Variants in TSBP1 observed in about 807,000 individuals in gnomAD.
TSBP1 encodes the protein testis expressed basic protein 1.
TSBP1 carries 56 observed loss-of-function variants against 68.8 expected under a neutral mutation model. The observed-to-expected ratio is 0.81, with a 90% CI of 0.66 to 1.02. TSBP1 has a LOEUF of 1.02. Ranked by LOEUF, TSBP1 falls within the 50% of genes least tolerant of loss-of-function variation. The pLI is 0.00. For synonymous variants in TSBP1, 171 were observed against 208.7 expected, an observed-to-expected ratio of 0.82 and a Z score of 1.56; for missense variants, 502 against 641.2, an observed-to-expected ratio of 0.78 and a Z score of 2.34.
In TSBP1 at chr6:32,302,725, G is replaced by GGTACCATAAAGACTTCTAGC. The variant is rs1351908096; in HGVS notation, c.581-116_581-97dup. On this transcript the variant is annotated intron_variant, in intron 19 of 22. Transcript: ENST00000612031. This position sits in a 1 kb window ranked among gnomAD's most constrained non-coding sequence, Gnocchi z 5.1. ...CCAATTCCCTAGTTGTTTTTTCTAG[G>GGTACCATAAAGACTTCTAGC]GTACCATAAAGACTTCTAGCAGAAT... 1.2e-6 allele frequency: 1 copy of GGTACCATAAAGACTTCTAGC among 809,336 alleles called. No homozygotes were observed. Among genetic ancestry groups the GGTACCATAAAGACTTCTAGC allele is most frequent in the African/African-American group, 1.8e-5 (1 of 55,582 alleles). 50.1% of individuals were successfully genotyped at this position (809,336 alleles called of 1,614,324 possible).
Position 32,306,094 on chromosome 6 carries a change from CTT to C in TSBP1, c.581-3467_581-3466del, listed in dbSNP as rs1324995878. Reference sequence around the variant, plus strand: ...AACAGCAAAATAACTAACATGAACTCTTTTTTTGTTTAAAGGACCTTCACCCA... The same window carrying C: ...AACAGCAAAATAACTAACATGAACTCTTTTTGTTTAAAGGACCTTCACCCA... On this transcript the variant is annotated intron_variant, in intron 19 of 22. Coordinates refer to ENST00000612031, the Ensembl canonical transcript of TSBP1. The surrounding 1 kb of genome is among the most constrained non-coding windows in gnomAD (Gnocchi z 5.1). 2.0e-5 allele frequency among the ~76,000 whole-genome samples: 3 copies of C among 152,070 alleles called. No homozygotes were observed. The East Asian group carries it at 5.8e-4, about 29-fold the overall frequency.
chr6:32,340,496 C>T lies in TSBP1; in HGVS notation c.350-858G>A, dbSNP rs2127612389. Among the ~76,000 whole-genome samples the T allele has an allele frequency of 6.6e-6, 1 of 152,202 alleles. No individual in the cohort carries two copies. Among genetic ancestry groups the T allele is most frequent in the South Asian group, 2.1e-4 (1 of 4,820 alleles). On this transcript the variant is annotated intron_variant, in intron 9 of 22. Transcript: ENST00000612031. The surrounding 1 kb of genome is among the most constrained non-coding windows in gnomAD (Gnocchi z 4.8). ...TGAGAAGGTGAAGCCACTCCTACCA[C>T]CAAATAAAGATAATTTTAAAAGGAC...
chr6:32,362,107 G>A (rs959103411), intron 6 of TSBP1, among the ~76,000 whole-genome samples: 2 of 151,880 alleles, frequency 1.3e-5, no homozygotes, highest in Non-Finnish European at 2.9e-5. Flanking sequence ...TGGCTAACAC[G>A]GTGAAACCCT....
At chr6:32,301,850 C>A (rs1765325906) in intron 20 of TSBP1, among the ~76,000 whole-genome samples, 1 of 151,254 alleles carries the variant, frequency 6.6e-6, no homozygotes, top group African/African-American at 2.4e-5. Flanking sequence ...TGGAATAAAT[C>A]TAGTTTTTCC....
intron 19 of TSBP1, among the ~76,000 whole-genome samples, chr6:32,308,574 T>G (rs9268185): frequency 0.89 from 125,878 of 141,324 alleles, 56,164 homozygotes; most frequent in East Asian, 1. Context: ...CTCCAGCCTG[T>G]GCGACAGAGC....
chr6:32,325,948 A>C lies in TSBP1; in HGVS notation c.515-2334T>G, dbSNP rs1768171427. 2.6e-6 allele frequency: 4 copies of C among 1,563,556 alleles called. No individual in the cohort carries two copies. In the South Asian group the frequency reaches 3.3e-5, roughly 13 times the overall value. Reference sequence around the variant, plus strand: ...ATATGGTGGCAGTGAGGATGGCTATAATGGATTTGGTAATGATGGGAGCAA... The same window carrying C: ...ATATGGTGGCAGTGAGGATGGCTATCATGGATTTGGTAATGATGGGAGCAA... On this transcript the variant is annotated intron_variant, in intron 16 of 22. Coordinates refer to ENST00000612031, the Ensembl canonical transcript of TSBP1. This position sits in a 1 kb window ranked among gnomAD's most constrained non-coding sequence, Gnocchi z 4.4.
intron 19 of TSBP1, among the ~76,000 whole-genome samples, chr6:32,310,781 G>A (rs898662402): frequency 2.1e-5 from 3 of 140,888 alleles, no homozygotes; most frequent in Non-Finnish European, 3.1e-5. Context: ...TTTTTAGAAA[G>A]GATAGTCTTT....
intron 8 of TSBP1, among the ~76,000 whole-genome samples, chr6:32,352,482 A>G (rs1224519374): frequency 6.6e-6 from 1 of 151,978 alleles, no homozygotes; most frequent in African/African-American, 2.4e-5. Flanking sequence ...AGCAGAAGGT[A>G]GAAAAGAAGA....
At position 32,321,454 on chromosome 6, in the gene TSBP1, TCTC is replaced by T. The variant is rs1225846683; in HGVS notation, c.559+1660_559+1662del. On this transcript the variant is annotated intron_variant, in intron 18 of 22. Transcript: ENST00000612031. This position sits in a 1 kb window ranked among gnomAD's most constrained non-coding sequence, Gnocchi z 4.3. ...TCTAGCTGTGAGACCAGTAATCCCT[TCTC>T]CTGACCTCAGGTGGGCATTGGTCCC... 6.6e-6 allele frequency among the ~76,000 whole-genome samples: 1 copy of T among 152,184 alleles called. No individual in the cohort carries two copies. The highest frequency in any genetic ancestry group is 2.4e-5 in the African/African-American group (1 of 41,438).
Position 32,368,773 on chromosome 6 carries a change from A to T in TSBP1, c.133+9T>A. 2 of 1,575,562 alleles carry T rather than the reference A, an allele frequency of 1.3e-6. No individual in the cohort carries two copies. Among genetic ancestry groups the T allele is most frequent in the Non-Finnish European group, 8.7e-7 (1 of 1,153,192 alleles). ...TATATTTATTTTTCTCATGAGTATAAGTACTTACTTTGTTCTGAACTGTAT... is the reference window on the plus strand; with the variant it reads ...TATATTTATTTTTCTCATGAGTATATGTACTTACTTTGTTCTGAACTGTAT... On this transcript the variant is annotated intron_variant, in intron 3 of 22. Transcript: ENST00000612031.
In TSBP1 at chr6:32,316,417, A is replaced by T. The variant is rs1361733718; in HGVS notation, c.560-625T>A. On this transcript the variant is annotated intron_variant, in intron 18 of 22. Coordinates refer to ENST00000612031, the Ensembl canonical transcript of TSBP1. This position sits in a 1 kb window ranked among gnomAD's most constrained non-coding sequence, Gnocchi z 4.5. ...ACTTATAGGTGCTGCCAGCTGACCT[A>T]AAAAAATTAGATATCAGTGAAGATT... The T allele has an allele frequency of 6.4e-7, 1 of 1,552,510 alleles. No individual in the cohort carries two copies. The highest frequency in any genetic ancestry group is 8.7e-7 in the Non-Finnish European group (1 of 1,146,722).
At chr6:32,366,609 C>T (rs1292391986) in intron 4 of TSBP1, among the ~76,000 whole-genome samples, 1 of 149,964 alleles carries the variant, frequency 6.7e-6, no homozygotes, top group African/African-American at 2.4e-5. Flanking sequence ...TAAAAACACA[C>T]AAAAAAATTG....
Position 32,336,631 on chromosome 6 carries a change from T to A in TSBP1, c.414A>T (p.Gln138His), listed in dbSNP as rs761721297. 6.2e-7 allele frequency: 1 copy of A among 1,612,372 alleles called. No individual in the cohort carries two copies. Among genetic ancestry groups the A allele is most frequent in the Non-Finnish European group, 8.5e-7 (1 of 1,179,436 alleles). Residue 138 changes from glutamine (Q) to histidine (H), a missense_variant, in exon 12 of 23, where the codon CAA becomes CAT. Gln to His is a conservative substitution (Grantham distance 24, BLOSUM62 0). Transcript: ENST00000612031. The surrounding 1 kb of genome is among the most constrained non-coding windows in gnomAD (Gnocchi z 5.2). ...GATACTTACGAATAGGGGCTGTGAATTGCACTGAAATACAAAAAGGAGGAA... is the reference window on the plus strand; with the variant it reads ...GATACTTACGAATAGGGGCTGTGAAATGCACTGAAATACAAAAAGGAGGAA...
At chr6:32,362,641 A>C (rs1007024238) in intron 6 of TSBP1, among the ~76,000 whole-genome samples, 1 of 152,190 alleles carries the variant, frequency 6.6e-6, no homozygotes, top group Admixed American at 6.5e-5. Context: ...GTCCAGAAAC[A>C]ATTTTGTTTG....
At chr6:32,313,227 T>A (rs1002349040) in intron 19 of TSBP1, among the ~76,000 whole-genome samples, 1 of 151,862 alleles carries the variant, frequency 6.6e-6, no homozygotes, top group Non-Finnish European at 1.5e-5. Context: ...CTGTTACTCT[T>A]CTTATTTTTC....
chr6:32,349,420 C>A, intron 9 of TSBP1: 1 of 222,730 alleles, frequency 4.5e-6, no homozygotes, highest in Non-Finnish European at 8.7e-6. Flanking sequence ...TATCATTTAT[C>A]CCTCATTCTA....
intron 18 of TSBP1, among the ~76,000 whole-genome samples, chr6:32,318,428 A>G (rs755184222): frequency 7.9e-5 from 12 of 152,214 alleles, no homozygotes; most frequent in Non-Finnish European, 1.5e-4. Context: ...CAAACTGCAC[A>G]TGTATCCCTG....
At chr6:32,310,266 G>A (rs199681209) in intron 19 of TSBP1, among the ~76,000 whole-genome samples, 10 of 136,948 alleles carry the variant, frequency 7.3e-5, no homozygotes, top group East Asian at 2.2e-4. Context: ...GTGTGTGTGT[G>A]TATATATCTG....
chr6:32,327,239 A>G (rs1446485585), intron 16 of TSBP1, among the ~76,000 whole-genome samples: 1 of 152,248 alleles, frequency 6.6e-6, no homozygotes, highest in Non-Finnish European at 1.5e-5. Context: ...GCCAGGCCCT[A>G]TAGGAAGCCA....
Sources: allele counts gnomAD v4.1 joint callset (sites outside exome capture counted in the v4.1 genomes callset), GRCh38; gene constraint gnomAD v4.1.1; non-coding constraint Gnocchi (gnomAD v3.1); transcripts MANE v1.5; gene names NCBI Gene and HGNC (gene_info 2026-07-23, HGNC 2026-07-21).